FCRL3: variants seen among roughly 807,000 people sequenced by gnomAD.
FCRL3 encodes Fc receptor-like protein 3.
In FCRL3, 89 loss-of-function variants were observed where a neutral mutation model predicts 75.0. The observed-to-expected ratio is 1.19, with a 90% CI of 1.00 to 1.42. The LOEUF is 1.42. FCRL3 is among the 40% of genes most tolerant of loss of function. FCRL3 has a pLI of 0.00. For synonymous variants in FCRL3, 376 were observed against 348.5 expected, an observed-to-expected ratio of 1.08 and a Z score of -0.88; for missense variants, 946 against 880.0, an observed-to-expected ratio of 1.07 and a Z score of -0.95.
Position 157,676,524 on chromosome 1 carries a change from T to C in FCRL3, c.*2186A>G. 1 of 523,858 alleles carries C rather than the reference T, an allele frequency of 1.9e-6. No homozygotes were observed. Among genetic ancestry groups the C allele is most frequent in the East Asian group, 3.1e-5 (1 of 32,270 alleles). 32.5% of individuals were successfully genotyped at this position (523,858 alleles called of 1,614,324 possible). ...TTTATTTTCAAAGGCTCCACTAAAA[T>C]TACTTTTTTTAGATTTCTGGGCTAT... On this transcript the variant is annotated 3_prime_UTR_variant, in exon 15 of 15. Transcript: ENST00000368184.
At chr1:157,680,838 C>T (rs1382327721) in intron 12 of FCRL3, 68 bp from the exon 13 acceptor site, 3 of 1,518,730 alleles carry the variant, frequency 2.0e-6, no homozygotes, top group South Asian at 1.1e-5. Context: ...TTCCCAATCA[C>T]CAAATTCATA....
rs1174539165 is a variant in FCRL3 at position 157,696,064 on chromosome 1, T to C, written c.1108A>G (p.Thr370Ala). The part of the protein sequence containing the change: ...ADNVHSPILS[T>A]WIRVTVRIPV... ...CTTCTCACGGTGACTCGAATCCACGTGCTGAGGATGGGGCTGTGAACGTTA... is the reference window on the plus strand; with the variant it reads ...CTTCTCACGGTGACTCGAATCCACGCGCTGAGGATGGGGCTGTGAACGTTA... The change falls in exon 7 of 15, where the codon ACG (threonine) becomes GCG (alanine). Residue 370 changes from threonine to alanine, a missense_variant. Physicochemically the swap from Thr to Ala is moderately conservative, Grantham distance 58. Coordinates refer to ENST00000368184, the MANE Select transcript of FCRL3 (RefSeq NM_052939.4). The C allele has an allele frequency of 1.2e-6, 2 of 1,611,422 alleles. No individual in the cohort carries two copies. Among genetic ancestry groups the C allele is most frequent in the Non-Finnish European group, 1.7e-6 (2 of 1,178,914 alleles).
rs1034442010 is a variant in FCRL3 at position 157,695,240 on chromosome 1, T to G, written c.1411+89A>C. ...AAAGAGTGGGAAGTCTATTGGGATA[T>G]CAACCAGCAAATAGCCCAGTGGAGC... On this transcript the variant is annotated intron_variant, in intron 8 of 14. Coordinates refer to ENST00000368184, the MANE Select transcript of FCRL3 (RefSeq NM_052939.4). The G allele has an allele frequency of 5.1e-6, 7 of 1,374,582 alleles. No homozygotes were observed. The Admixed American group carries it at 8.3e-5, about 16-fold the overall frequency. 85.1% of individuals were successfully genotyped at this position (1,374,582 alleles called of 1,614,324 possible). A position where few individuals can be genotyped will look rare whatever the true frequency, so the allele number is the denominator to read the frequency against.
intron 4 of FCRL3, 125 bp downstream of exon 4, chr1:157,698,259 C>T (rs544880251): frequency 4.3e-6 from 5 of 1,152,906 alleles, no homozygotes; most frequent in Non-Finnish European, 5.0e-6. Context: ...TTTATTTTCC[C>T]CACTGGGGTC....
intron 8 of FCRL3, among the ~76,000 whole-genome samples, chr1:157,694,291 C>A (rs1655752338): frequency 6.6e-6 from 1 of 152,152 alleles, no homozygotes; most frequent in Non-Finnish European, 1.5e-5. Flanking sequence ...AAGACTTATT[C>A]AAGGTTAAAC....
At chr1:157,699,853 A>G in intron 2 of FCRL3, 141 bp from the exon 3 acceptor site, 1 of 858,490 alleles carries the variant, frequency 1.2e-6, no homozygotes, top group Non-Finnish European at 1.8e-6. Context: ...AACAAAGAAA[A>G]TGTCATATAA....
Position 157,698,497 on chromosome 1 carries a change from T to G in FCRL3, c.185A>C (p.Glu62Ala). 1 of 1,614,260 alleles carries G rather than the reference T, an allele frequency of 6.2e-7. No individual in the cohort carries two copies. The highest frequency in any genetic ancestry group is 8.5e-7 in the Non-Finnish European group (1 of 1,180,042). Residue 62 changes from glutamate to alanine, a missense_variant, in exon 4 of 15, where the codon GAG becomes GCG. Transcript: ENST00000368184. ...GTCATGTTTTATTTTCAACAACTTCTCATCGTGATACCAATATGTGTCTCC... is the reference window on the plus strand; with the variant it reads ...GTCATGTTTTATTTTCAACAACTTCGCATCGTGATACCAATATGTGTCTCC... ...AQGDTYWYHD[E>A]KLLKIKHDKI...
chr1:157,691,226 A>G (rs891186153), intron 8 of FCRL3, among the ~76,000 whole-genome samples: 2 of 152,248 alleles, frequency 1.3e-5, no homozygotes, highest in East Asian at 1.9e-4. Flanking sequence ...TCTAGCAACA[A>G]TGATTTCTAT....
Position 157,677,134 on chromosome 1 carries a change from G to A in FCRL3, c.*1576C>T. The A allele has an allele frequency of 9.7e-7, 1 of 1,033,052 alleles. No homozygotes were observed. The highest frequency in any genetic ancestry group is 1.2e-6 in the Non-Finnish European group (1 of 856,882). The allele number at this position is 1,033,052 out of a possible 1,614,324, so 64.0% of individuals were successfully genotyped here. ...GGTAACAGAGGCCAGTGGGAGCAGT[G>A]TGGATTGATCATCACATTTTTTGAG... On this transcript the variant is annotated 3_prime_UTR_variant, in exon 15 of 15. Coordinates refer to ENST00000368184, the MANE Select transcript of FCRL3 (RefSeq NM_052939.4).
intron 10 of FCRL3, 54 bp from the exon 11 acceptor site, chr1:157,683,298 C>A (rs1654966506): frequency 8.8e-6 from 14 of 1,594,212 alleles, no homozygotes; most frequent in Middle Eastern, 1.7e-4. Flanking sequence ...AAATAATGAA[C>A]TCTCTGTTAG....
Position 157,698,548 on chromosome 1 carries a change from C to G in FCRL3, c.134G>C (p.Ser45Thr). Residue 45 changes from serine to threonine, a missense_variant, in exon 4 of 15, where the codon AGC becomes ACC. Transcript: ENST00000368184. ...FKGEKVALIC[S>T]SISHSLAQGD... ...CTGGGCTAGGGAATGTGATATGCTG[C>G]TGCATATGAGAGCCACTTTTTCTCC... 1.2e-6 allele frequency: 2 copies of G among 1,614,166 alleles called. No individual in the cohort carries two copies. Among genetic ancestry groups the G allele is most frequent in the Non-Finnish European group, 1.7e-6 (2 of 1,180,002 alleles).
At chr1:157,679,715 G>A (rs542815796) in intron 13 of FCRL3, among the ~76,000 whole-genome samples, 7 of 150,588 alleles carry the variant, frequency 4.6e-5, no homozygotes, top group East Asian at 2.0e-4. Flanking sequence ...TGTAATCCCG[G>A]CTACTTAGGA....
chr1:157,696,716 GA>G (rs1655932789), intron 6 of FCRL3: 1 of 247,676 alleles, frequency 4.0e-6, no homozygotes, highest in African/African-American at 2.2e-5. Context: ...GACTTCTCCA[GA>G]TTTACATCCA....
At chr1:157,685,856 A>G (rs576256572) in intron 10 of FCRL3, among the ~76,000 whole-genome samples, 1 of 152,130 alleles carries the variant, frequency 6.6e-6, no homozygotes, top group Non-Finnish European at 1.5e-5. Context: ...ACTCCTGGGT[A>G]AAGATAAAAA....
At chr1:157,700,791 C>G (rs910908626), upstream of FCRL3, 4 of 1,187,640 alleles carry the variant, frequency 3.4e-6, no homozygotes, top group African/African-American at 6.2e-5. Context: ...CTAGAAATAT[C>G]AAGTTGTGTA....
chr1:157,690,992 C>T (rs1655496109), intron 8 of FCRL3, among the ~76,000 whole-genome samples: 1 of 123,648 alleles, frequency 8.1e-6, no homozygotes, highest in Non-Finnish European at 1.7e-5. Context: ...CACTACCTGA[C>T]ATCTGTCTAT....
In FCRL3 at chr1:157,678,098, C is replaced by A. The variant is rs1028729423; in HGVS notation, c.*612G>T. 1 of 985,892 alleles carries A rather than the reference C, an allele frequency of 1.0e-6. No homozygotes were observed. The highest frequency in any genetic ancestry group is 1.7e-5 in the African/African-American group (1 of 57,336). The allele number at this position is 985,892 out of a possible 1,614,324, so 61.1% of individuals were successfully genotyped here. A position where few individuals can be genotyped will look rare whatever the true frequency, so the allele number is the denominator to read the frequency against. On this transcript the variant is annotated 3_prime_UTR_variant, in exon 15 of 15. Transcript: ENST00000368184. The stretch of plus-strand genomic sequence containing the variant: ...GGATACAAGTCACATATTAAACTAG[C>A]AGAGTCTTTAATGAAATGCTGAAGT...
In FCRL3 at chr1:157,689,785, C is replaced by T. The variant is rs768948993; in HGVS notation, c.1810+13G>A. The T allele has an allele frequency of 5.0e-6, 8 of 1,613,992 alleles. No individual in the cohort carries two copies. The highest frequency in any genetic ancestry group is 1.3e-5 in the African/African-American group (1 of 74,918). On this transcript the variant is annotated intron_variant, in intron 10 of 14. Transcript: ENST00000368184. ...GGCAAAATCACATCACAAGGTAGGA[C>T]CTAGACACCCACCTGGTTTCCTTCG...
At chr1:157,692,432 G>T (rs1294019317) in intron 8 of FCRL3, among the ~76,000 whole-genome samples, 2 of 152,026 alleles carry the variant, frequency 1.3e-5, no homozygotes, top group African/African-American at 4.8e-5. Flanking sequence ...TAAAGACAGG[G>T]TTTCCCCATG....
Sources: gnomAD v4.1 joint callset for allele counts (sites outside exome capture counted in the v4.1 genomes callset) on GRCh38, gnomAD v4.1.1 for gene constraint, MANE v1.5 for transcripts, NCBI Gene and HGNC (gene_info 2026-07-23, HGNC 2026-07-21) for gene names.